ST18: variants seen among roughly 807,000 people sequenced by gnomAD.
ST18 encodes suppression of tumorigenicity 18 protein.
In ST18, 50 loss-of-function variants were observed where a neutral mutation model predicts 110.0. The ratio of observed to expected loss-of-function variants is 0.45; its 90% CI spans 0.36 to 0.58. The LOEUF is 0.58. Among genes scored for constraint, ST18 ranks in the 20% least tolerant of loss-of-function variants. The pLI, the probability that ST18 is intolerant of heterozygous loss-of-function variation, is 0.00. For synonymous variants in ST18, 461 were observed against 452.4 expected, an observed-to-expected ratio of 1.02 and a Z score of -0.24; for missense variants, 1,306 against 1,280.1, an observed-to-expected ratio of 1.02 and a Z score of -0.31.
intron 2 of ST18, among the ~76,000 whole-genome samples, chr8:52,308,717 G>A (rs572000621): frequency 1.5e-4 from 23 of 152,338 alleles, no homozygotes; most frequent in African/African-American, 5.5e-4. Flanking sequence ...TAGGAGGAGG[G>A]CAGAAGCCTC....
chr8:52,264,117 A>G (rs2094792930), intron 2 of ST18, among the ~76,000 whole-genome samples: 1 of 152,162 alleles, frequency 6.6e-6, no homozygotes, highest in African/African-American at 2.4e-5. Flanking sequence ...TAGATTTTTT[A>G]TAAGTGAAAA....
At chr8:52,146,554 C>T (rs2057348407) in intron 16 of ST18, among the ~76,000 whole-genome samples, 1 of 152,038 alleles carries the variant, frequency 6.6e-6, no homozygotes, top group African/African-American at 2.4e-5. Flanking sequence ...ACCCCCCTCA[C>T]ATTTCTCCTC....
chr8:52,125,121 G>T (rs2046500392), intron 23 of ST18, among the ~76,000 whole-genome samples: 1 of 152,100 alleles, frequency 6.6e-6, no homozygotes, highest in Non-Finnish European at 1.5e-5. Context: ...TCCAGAAAAT[G>T]CATTCAAGTA....
At chr8:52,120,355 A>G (rs934307916) in intron 23 of ST18, among the ~76,000 whole-genome samples, 2 of 152,222 alleles carry the variant, frequency 1.3e-5, no homozygotes, top group African/African-American at 2.4e-5. Context: ...TTCCACCTCA[A>G]AGAATGTTAT....
At chr8:52,405,996 A>G (rs1590782632) in intron 2 of ST18, 1 of 152,192 alleles carries the variant, frequency 6.6e-6, no homozygotes, top group Non-Finnish European at 1.5e-5. Flanking sequence ...TCAGACAGCA[A>G]TCTGCTCCCA....
At chr8:52,241,173 C>A (rs897034724) in intron 2 of ST18, among the ~76,000 whole-genome samples, 1 of 152,200 alleles carries the variant, frequency 6.6e-6, no homozygotes, top group Non-Finnish European at 1.5e-5. Flanking sequence ...GCTCCTGTCA[C>A]CTGCATTGGA....
chr8:52,236,628 A>C (rs2092719411), intron 2 of ST18, among the ~76,000 whole-genome samples: 1 of 152,010 alleles, frequency 6.6e-6, no homozygotes, highest in South Asian at 2.1e-4. Flanking sequence ...AAAAAAAAAA[A>C]AACTATATCT....
chr8:52,356,570 G>T (rs759036344), intron 2 of ST18, among the ~76,000 whole-genome samples: 1 of 152,058 alleles, frequency 6.6e-6, no homozygotes, highest in Admixed American at 6.6e-5. Context: ...GAATTTATAA[G>T]GCATGCAAAG....
At chr8:52,175,431 T>A (rs945319739) in intron 9 of ST18, among the ~76,000 whole-genome samples, 19 of 152,152 alleles carry the variant, frequency 1.2e-4, no homozygotes, top group Non-Finnish European at 2.5e-4. Flanking sequence ...ACCAACTGCC[T>A]TTGGAAACTA....
At chr8:52,248,094 T>C (rs994777538) in intron 2 of ST18, among the ~76,000 whole-genome samples, 2 of 152,168 alleles carry the variant, frequency 1.3e-5, no homozygotes, top group African/African-American at 4.8e-5. Context: ...AAGAAGTATG[T>C]GACCTCTGAT....
intron 2 of ST18, among the ~76,000 whole-genome samples, chr8:52,369,383 A>C (rs926005207): frequency 2.6e-5 from 4 of 152,164 alleles, no homozygotes; most frequent in Non-Finnish European, 5.9e-5. Flanking sequence ...GAAAAAGAGA[A>C]ATACTCTCTC....
Position 52,221,957 on chromosome 8 carries a change from T to C in ST18, c.-418-164A>G, listed in dbSNP as rs1031306551. 6 of 152,032 alleles carry C rather than the reference T, an allele frequency of 3.9e-5. No homozygotes were observed. In the East Asian group the frequency reaches 1.2e-3, roughly 29 times the overall value. 9.4% of individuals were successfully genotyped at this position (152,032 alleles called of 1,614,324 possible). The stretch of plus-strand genomic sequence containing the variant: ...CTCCAAATGTTTTTGGCCTATTCTA[T>C]TGCGCCCTCAGTTCAGAAAGAGTTC... On this transcript the variant is annotated intron_variant, in intron 3 of 25. Transcript: ENST00000689386.
At chr8:52,316,719 G>T (rs2096034614) in intron 2 of ST18, among the ~76,000 whole-genome samples, 1 of 152,164 alleles carries the variant, frequency 6.6e-6, no homozygotes, top group African/African-American at 2.4e-5. Context: ...GTTAATGTCT[G>T]CTTCTCAGCA....
chr8:52,213,510 G>A (rs1189749641), intron 7 of ST18, among the ~76,000 whole-genome samples: 2 of 152,088 alleles, frequency 1.3e-5, no homozygotes, highest in East Asian at 1.9e-4. Flanking sequence ...AGGCTGTGGC[G>A]AACCTAGAGT....
At chr8:52,180,731 A>G (rs962629550) in intron 8 of ST18, among the ~76,000 whole-genome samples, 4 of 152,228 alleles carry the variant, frequency 2.6e-5, no homozygotes, top group African/African-American at 7.2e-5. Flanking sequence ...TTTGCTACTG[A>G]AACTGCTTAT....
At chr8:52,212,160 A>G (rs752431232) in intron 7 of ST18, 51 bp from the exon 8 acceptor site, 1 of 1,554,594 alleles carries the variant, frequency 6.4e-7, no homozygotes, top group Non-Finnish European at 8.7e-7. Flanking sequence ...GATAATTTTC[A>G]AAACTGTATA....
Position 52,163,983 on chromosome 8 carries a change from T to C in ST18, c.1400+3A>G. On this transcript the variant is annotated splice_donor_region_variant and intron_variant, in intron 13 of 25. Transcript: ENST00000689386. ...CACTGAGAACATCGTTAGGGGTTCATACCTGTGGGCCTGGTCAGGACACTG... is the reference window on the plus strand; with the variant it reads ...CACTGAGAACATCGTTAGGGGTTCACACCTGTGGGCCTGGTCAGGACACTG... The C allele has an allele frequency of 6.2e-7, 1 of 1,612,430 alleles. No individual in the cohort carries two copies. The highest frequency in any genetic ancestry group is 8.5e-7 in the Non-Finnish European group (1 of 1,178,526).
intron 19 of ST18, 56 bp from the exon 20 acceptor site, chr8:52,133,357 G>T (rs193301452): frequency 1.9e-6 from 3 of 1,585,212 alleles, no homozygotes; most frequent in South Asian, 1.1e-5. Flanking sequence ...GGGAGTGGGG[G>T]TCACACTCAA....
At chr8:52,154,141 C>T (rs1284224123) in intron 15 of ST18, among the ~76,000 whole-genome samples, 1 of 152,114 alleles carries the variant, frequency 6.6e-6, no homozygotes, top group Non-Finnish European at 1.5e-5. Flanking sequence ...GATCCCTGAC[C>T]CAAGACCGTC....
Sources: gnomAD v4.1 joint callset for allele counts (sites outside exome capture counted in the v4.1 genomes callset) on GRCh38, gnomAD v4.1.1 for gene constraint, MANE v1.5 for transcripts, NCBI Gene and HGNC (gene_info 2026-07-23, HGNC 2026-07-21) for gene names.